Variants in DOCK10 observed in about 807,000 individuals in gnomAD.
The protein encoded by DOCK10 is dedicator of cytokinesis protein 10.
A neutral mutation model predicts 280.1 loss-of-function variants in DOCK10; 145 were observed. The observed-to-expected ratio is 0.52, with a 90% CI of 0.45 to 0.59. DOCK10 has a LOEUF of 0.59. DOCK10 is among the 20% of genes least tolerant of loss of function. DOCK10 has a pLI of 0.00. For synonymous variants in DOCK10, 915 were observed against 942.2 expected (o/e 0.97, Z 0.53); for missense variants, 2,368 against 2,651.7 (o/e 0.89, Z 2.35).
chr2:224,808,127 A>G, intron 31 of DOCK10, 41 bp from the exon 32 acceptor site: 2 of 1,557,256 alleles, frequency 1.3e-6, no homozygotes, highest in Non-Finnish European at 1.8e-6. Context: ...TTGAAAATCA[A>G]ATGATCACTT....
intron 50 of DOCK10, among the ~76,000 whole-genome samples, chr2:224,781,896 A>T (rs1691368533): frequency 6.6e-6 from 1 of 152,196 alleles, no homozygotes; most frequent in Non-Finnish European, 1.5e-5. Flanking sequence ...ATGTCCCTGG[A>T]TCATCACTGT....
chr2:224,876,329 G>A, intron 7 of DOCK10, 108 bp from the exon 8 acceptor site: 2 of 985,730 alleles, frequency 2.0e-6, no homozygotes, highest in South Asian at 3.8e-5. Flanking sequence ...CATACAGATA[G>A]ATAACATAAA....
intron 1 of DOCK10, among the ~76,000 whole-genome samples, chr2:224,988,382 G>T (rs1044861554): frequency 6.6e-6 from 1 of 152,194 alleles, no homozygotes; most frequent in East Asian, 1.9e-4. Flanking sequence ...TAATAATCAT[G>T]ATGATGATAC....
intron 51 of DOCK10, 98 bp downstream of exon 51, chr2:224,778,040 C>T: frequency 2.3e-5 from 29 of 1,286,444 alleles, no homozygotes; most frequent in Non-Finnish European, 3.0e-5. Context: ...TTGTAGTTTA[C>T]TTTGCATCGT....
chr2:225,010,000 C>T (rs1267762805), intron 1 of DOCK10, among the ~76,000 whole-genome samples: 1 of 152,100 alleles, frequency 6.6e-6, no homozygotes, highest in Non-Finnish European at 1.5e-5. Flanking sequence ...GCCATTTTTT[C>T]ATGTGGCTAA....
At chr2:225,033,048 G>T (rs1463262927) in intron 1 of DOCK10, among the ~76,000 whole-genome samples, 1 of 152,008 alleles carries the variant, frequency 6.6e-6, no homozygotes, top group Non-Finnish European at 1.5e-5. Flanking sequence ...TGCCATTTTG[G>T]TATTTAATTT....
At chr2:225,021,679 T>G (rs1311391720) in intron 1 of DOCK10, among the ~76,000 whole-genome samples, 6 of 152,176 alleles carry the variant, frequency 3.9e-5, no homozygotes, top group African/African-American at 1.4e-4. Context: ...CCTAATGCAG[T>G]TGGGACAAAA....
chr2:224,862,332 G>A (rs1697562005), intron 14 of DOCK10: 1 of 183,026 alleles, frequency 5.5e-6, no homozygotes, highest in Admixed American at 5.9e-5. Flanking sequence ...CAGACTCTCA[G>A]GACTGACATA....
chr2:224,781,739 G>C (rs1691357305), intron 50 of DOCK10, among the ~76,000 whole-genome samples: 2 of 152,188 alleles, frequency 1.3e-5, no homozygotes, highest in African/African-American at 4.8e-5. Flanking sequence ...CTCTGGTCAA[G>C]AAAGAACACA....
At chr2:224,847,413 G>A (rs1007461994) in intron 19 of DOCK10, among the ~76,000 whole-genome samples, 6 of 152,144 alleles carry the variant, frequency 3.9e-5, no homozygotes, top group Admixed American at 1.3e-4. Context: ...TTGGAACTCC[G>A]GTAAGCTGCA....
chr2:224,792,318 C>T (rs1692256273), intron 47 of DOCK10, among the ~76,000 whole-genome samples: 1 of 152,092 alleles, frequency 6.6e-6, no homozygotes, highest in South Asian at 2.1e-4. Context: ...GAGTCTCACT[C>T]TGTTGCCCAG....
At chr2:225,006,493 A>T (rs1486854420) in intron 1 of DOCK10, among the ~76,000 whole-genome samples, 1 of 152,160 alleles carries the variant, frequency 6.6e-6, no homozygotes, top group African/African-American at 2.4e-5. Flanking sequence ...TTTTGCACTT[A>T]GAGTTCCTCT....
At chr2:224,855,343 G>C (rs1156394935) in intron 15 of DOCK10, among the ~76,000 whole-genome samples, 6 of 152,118 alleles carry the variant, frequency 3.9e-5, no homozygotes, top group African/African-American at 1.4e-4. Context: ...AATCAAAAAA[G>C]TACAAGAGTA....
chr2:225,031,876 C>T (rs1342986183), intron 1 of DOCK10, among the ~76,000 whole-genome samples: 2 of 152,172 alleles, frequency 1.3e-5, no homozygotes, highest in African/African-American at 2.4e-5. Flanking sequence ...ACCTGACTTG[C>T]CCAGCCTTTG....
intron 1 of DOCK10, among the ~76,000 whole-genome samples, chr2:225,014,964 T>G (rs2106079715): frequency 6.6e-6 from 1 of 152,364 alleles, no homozygotes; most frequent in Middle Eastern, 3.4e-3. Context: ...AACTATGTTA[T>G]GGGAGGTCCC....
intron 2 of DOCK10, among the ~76,000 whole-genome samples, chr2:224,920,983 G>T (rs559232259): frequency 6.7e-6 from 1 of 148,908 alleles, no homozygotes; most frequent in Admixed American, 6.7e-5. Context: ...GGCTGGGCAC[G>T]GTGGCTCATG....
Position 224,965,201 on chromosome 2 carries a change from A to C in DOCK10, c.124-33533T>G, listed in dbSNP as rs1347568556. On this transcript the variant is annotated intron_variant, in intron 1 of 55. Transcript: ENST00000258390. ...TTTTGATGTATTGAACAAATAGCTT[A>C]TTCGATGGGAAATGCTTTAACTTCA... Among the ~76,000 whole-genome samples the C allele has an allele frequency of 3.3e-5, 5 of 152,200 alleles. No individual in the cohort carries two copies. In the East Asian group the frequency reaches 9.6e-4, roughly 29 times the overall value.
chr2:225,019,288 C>T (rs1402264862), intron 1 of DOCK10, among the ~76,000 whole-genome samples: 1 of 151,978 alleles, frequency 6.6e-6, no homozygotes, highest in Non-Finnish European at 1.5e-5. Flanking sequence ...ATGATGTGTT[C>T]GTTTCCTGAA....
At chr2:224,990,445 G>A (rs1706094226) in intron 1 of DOCK10, among the ~76,000 whole-genome samples, 2 of 152,122 alleles carry the variant, frequency 1.3e-5, no homozygotes, top group Admixed American at 1.3e-4. Context: ...GAATATTAAT[G>A]AGCATCTAAT....
Sources: allele counts gnomAD v4.1 joint callset (sites outside exome capture counted in the v4.1 genomes callset), GRCh38; gene constraint gnomAD v4.1.1; transcripts MANE v1.5; gene names NCBI Gene and HGNC (gene_info 2026-07-23, HGNC 2026-07-21).